TINAG: variants seen among roughly 807,000 people sequenced by gnomAD.
TINAG encodes the protein tubulointerstitial nephritis antigen.
TINAG carries 83 observed loss-of-function variants against 72.7 expected under a neutral mutation model. The ratio of observed to expected loss-of-function variants is 1.14; its 90% CI spans 0.96 to 1.37. TINAG has a LOEUF of 1.37. Among genes scored for constraint, TINAG ranks in the 40% most tolerant of loss-of-function variants. TINAG has a pLI of 0.00. For missense variants in TINAG, 685 were observed against 576.6 expected (o/e 1.19, Z -1.93); for synonymous variants, 234 against 189.9 (o/e 1.23, Z -1.91).
intron 3 of TINAG, among the ~76,000 whole-genome samples, chr6:54,324,062 T>A (rs1018653304): frequency 1.3e-5 from 2 of 152,126 alleles, no homozygotes; most frequent in East Asian, 3.8e-4. Context: ...TAGGGGAGAA[T>A]AGAAGCTGTA....
rs1225223317 is a variant in TINAG at position 54,387,245 on chromosome 6, GGATT to G, written c.1297-2542_1297-2539del. Among the ~76,000 whole-genome samples the G allele has an allele frequency of 3.3e-5, 5 of 152,176 alleles. No individual in the cohort carries two copies. In the East Asian group the frequency reaches 9.7e-4, roughly 29 times the overall value. ...TACACTAGATTAGCTAAAATTAAAA[GGATT>G]GATAATATCCAGCATAGATGAGGAT... On this transcript the variant is annotated intron_variant, in intron 10 of 10. Coordinates refer to ENST00000259782, the MANE Select transcript of TINAG (RefSeq NM_014464.4).
At chr6:54,369,053 T>C (rs1397054319) in intron 9 of TINAG, among the ~76,000 whole-genome samples, 1 of 151,892 alleles carries the variant, frequency 6.6e-6, no homozygotes, top group Admixed American at 6.6e-5. Context: ...CAGTTTTGAA[T>C]CGAACATTCC....
At chr6:54,331,490 C>T (rs756400838) in intron 4 of TINAG, among the ~76,000 whole-genome samples, 1 of 152,202 alleles carries the variant, frequency 6.6e-6, no homozygotes, top group Admixed American at 6.5e-5. Context: ...GACAAACCCA[C>T]AGCCAATATC....
chr6:54,344,618 T>G (rs542467741), intron 5 of TINAG, among the ~76,000 whole-genome samples: 1 of 152,316 alleles, frequency 6.6e-6, no homozygotes, highest in Admixed American at 6.5e-5. Flanking sequence ...TATGCCAGTA[T>G]TTCTGAAGAT....
chr6:54,349,930 G>A (rs770043302), intron 7 of TINAG, 34 bp downstream of exon 7: 3 of 1,474,844 alleles, frequency 2.0e-6, no homozygotes, highest in Non-Finnish European at 2.7e-6. Flanking sequence ...AGAATAGTTG[G>A]CTTTCTCAAA....
intron 9 of TINAG, among the ~76,000 whole-genome samples, chr6:54,361,034 AT>A (rs1763219634): frequency 6.7e-6 from 1 of 150,300 alleles, no homozygotes; most frequent in South Asian, 2.1e-4. Context: ...GTGATTGGTG[AT>A]TTTTGGTGTT....
At chr6:54,333,208 G>C (rs1437521647) in intron 4 of TINAG, among the ~76,000 whole-genome samples, 1 of 152,034 alleles carries the variant, frequency 6.6e-6, no homozygotes, top group Non-Finnish European at 1.5e-5. Flanking sequence ...GCAAAGACTT[G>C]GAACCAACCC....
chr6:54,345,504 TG>T, intron 5 of TINAG, among the ~76,000 whole-genome samples: 1 of 152,250 alleles, frequency 6.6e-6, no homozygotes, highest in East Asian at 1.9e-4. Context: ...TTCCAACTTC[TG>T]GATTACTGTT....
intron 9 of TINAG, among the ~76,000 whole-genome samples, chr6:54,366,103 C>A (rs750996314): frequency 6.6e-6 from 1 of 151,558 alleles, no homozygotes; most frequent in Non-Finnish European, 1.5e-5. Context: ...GAAATACAAC[C>A]CTCATACTTT....
At chr6:54,377,946 G>A (rs979620361) in intron 9 of TINAG, among the ~76,000 whole-genome samples, 1 of 151,838 alleles carries the variant, frequency 6.6e-6, no homozygotes, top group South Asian at 2.1e-4. Context: ...TAATATCATC[G>A]GGGAAAGAAC....
At chr6:54,381,179 T>G (rs1763939158) in intron 10 of TINAG, among the ~76,000 whole-genome samples, 1 of 149,990 alleles carries the variant, frequency 6.7e-6, no homozygotes, top group African/African-American at 2.5e-5. Context: ...GCTTTTTTTT[T>G]TCTTTTTGCC....
chr6:54,367,453 G>A (rs527536130), intron 9 of TINAG, among the ~76,000 whole-genome samples: 18 of 151,890 alleles, frequency 1.2e-4, no homozygotes, highest in African/African-American at 4.3e-4. Flanking sequence ...TAATAGTGGA[G>A]ACAGCTACAT....
chr6:54,365,509 T>C (rs2150970631), intron 9 of TINAG: 1 of 151,632 alleles, frequency 6.6e-6, no homozygotes, highest in Middle Eastern at 3.4e-3. Flanking sequence ...CATGTTGTGA[T>C]CTCATCCAGC....
intron 1 of TINAG, among the ~76,000 whole-genome samples, chr6:54,313,641 G>C (rs536477760): frequency 6.6e-6 from 1 of 151,998 alleles, no homozygotes; most frequent in African/African-American, 2.4e-5. Context: ...TACTTATCAC[G>C]TACTAATTAT....
chr6:54,345,905 G>A (rs899347494), intron 5 of TINAG, among the ~76,000 whole-genome samples: 6 of 151,940 alleles, frequency 3.9e-5, no homozygotes, highest in Non-Finnish European at 8.8e-5. Context: ...TTAGCACCTT[G>A]AGGGGTTTCA....
rs183529870 is a variant in TINAG at position 54,378,780 on chromosome 6, G to A, written c.1251-1746G>A. Reference sequence around the variant, plus strand: ...ATCCTCAATGCACCAAGCTCAAGAAGTCTGAAAGATCTTACAAAGTGGGAA... The same window carrying A: ...ATCCTCAATGCACCAAGCTCAAGAAATCTGAAAGATCTTACAAAGTGGGAA... On this transcript the variant is annotated intron_variant, in intron 9 of 10. Transcript: ENST00000259782. 4.0e-3 allele frequency among the ~76,000 whole-genome samples: 610 copies of A among 152,218 alleles called. 7 individuals are homozygous for A. Among genetic ancestry groups the A allele is most frequent in the African/African-American group, 0.014 (570 of 41,548 alleles).
At chr6:54,372,367 C>G (rs992920076) in intron 9 of TINAG, among the ~76,000 whole-genome samples, 1 of 152,016 alleles carries the variant, frequency 6.6e-6, no homozygotes, top group Non-Finnish European at 1.5e-5. Context: ...GCCCCTGGTA[C>G]AGTGCTACCT....
At chr6:54,353,979 C>CA (rs1336459611) in intron 8 of TINAG, among the ~76,000 whole-genome samples, 2 of 151,860 alleles carry the variant, frequency 1.3e-5, no homozygotes, top group Non-Finnish European at 2.9e-5. Context: ...AAGTGTACAA[C>CA]ATTGCTTATC....
chr6:54,338,474 C>T (rs1784919456), intron 4 of TINAG, among the ~76,000 whole-genome samples: 1 of 151,970 alleles, frequency 6.6e-6, no homozygotes, highest in Non-Finnish European at 1.5e-5. Flanking sequence ...GTAATCTCAG[C>T]ACTTTGGGAG....
Sources: allele counts gnomAD v4.1 joint callset (sites outside exome capture counted in the v4.1 genomes callset), GRCh38; gene constraint gnomAD v4.1.1; transcripts MANE v1.5; gene names NCBI Gene and HGNC (gene_info 2026-07-23, HGNC 2026-07-21).